The following ADGRG1 variants were observed in gnomAD, a reference collection of about 807,000 sequenced individuals.
ADGRG1 encodes 7-transmembrane protein with no EGF-like N-terminal domains-1.
In ADGRG1, 53 loss-of-function variants were observed where a neutral mutation model predicts 73.5. The ratio of observed to expected loss-of-function variants is 0.72; its 90% CI spans 0.58 to 0.91. The LOEUF is 0.91. Ranked by LOEUF, ADGRG1 falls within the 40% of genes least tolerant of loss-of-function variation. The probability of loss-of-function intolerance (pLI) is 0.00; values close to 1 mark genes in which losing one functional copy is unlikely to be tolerated. For missense variants in ADGRG1, 795 were observed against 871.8 expected, an observed-to-expected ratio of 0.91 and a Z score of 1.11; for synonymous variants, 394 against 374.4, an observed-to-expected ratio of 1.05 and a Z score of -0.60.
chr16:57,625,935 C>T (rs1357675820), upstream of ADGRG1, among the ~76,000 whole-genome samples: 1 of 152,176 alleles, frequency 6.6e-6, no homozygotes, highest in Non-Finnish European at 1.5e-5. Flanking sequence ...TATCGAAGCC[C>T]CCTTCTTCTC....
At chr16:57,650,736 T>C (rs1323985510) in intron 2 of ADGRG1, among the ~76,000 whole-genome samples, 5 of 129,040 alleles carry the variant, frequency 3.9e-5, no homozygotes, top group Non-Finnish European at 7.8e-5. Context: ...TGAGACGGAG[T>C]CTTGCTCTGT....
At chr16:57,644,160 C>A in intron 1 of ADGRG1, 1 of 985,316 alleles carries the variant, frequency 1.0e-6, no homozygotes, top group Non-Finnish European at 1.2e-6. Context: ...TGAGGAGCTC[C>A]CCGCCTTCTC....
At chr16:57,641,718 A>G in intron 1 of ADGRG1, 1 of 202,252 alleles carries the variant, frequency 4.9e-6, no homozygotes, top group Non-Finnish European at 8.8e-6. Context: ...GGTGTGTGCC[A>G]CTATGCCCAG....
chr16:57,647,736 C>T (rs143415606), intron 1 of ADGRG1: 27 of 960,042 alleles, frequency 2.8e-5, no homozygotes, highest in Non-Finnish European at 3.3e-5. Flanking sequence ...CAGGGCTGTC[C>T]ACCTTGGAGT....
chr16:57,640,859 C>T (rs1376182711), intron 1 of ADGRG1: 4 of 984,838 alleles, frequency 4.1e-6, no homozygotes, highest in Admixed American at 1.2e-4. Flanking sequence ...GTTTGCCAGA[C>T]CTGGGGTAGT....
At chr16:57,659,825 GGCTGA>G in intron 11 of ADGRG1, 144 bp downstream of exon 11, 1 of 857,514 alleles carries the variant, frequency 1.2e-6, no homozygotes, top group Non-Finnish European at 1.8e-6. Flanking sequence ...CCTTCACCTT[GGCTGA>G]ATCAAGGTCC....
chr16:57,658,199 A>T (rs1188534101), intron 10 of ADGRG1, among the ~76,000 whole-genome samples: 1 of 152,236 alleles, frequency 6.6e-6, no homozygotes, highest in Non-Finnish European at 1.5e-5. Flanking sequence ...ACACAATAAT[A>T]TCACAGCGGT....
chr16:57,642,772 G>A, intron 1 of ADGRG1: 1 of 352,206 alleles, frequency 2.8e-6, no homozygotes, highest in Non-Finnish European at 4.0e-6. Context: ...GGGCTTGGAG[G>A]TTAGGCGGAC....
At chr16:57,639,995 C>T (rs753543620) in intron 1 of ADGRG1, 46 of 290,722 alleles carry the variant, frequency 1.6e-4, no homozygotes, top group Admixed American at 8.4e-4. Context: ...CACACCCGTC[C>T]CTGCAGCCCA....
At chr16:57,633,241 G>A (rs2038471509) in intron 1 of ADGRG1, 1 of 839,132 alleles carries the variant, frequency 1.2e-6, no homozygotes, top group South Asian at 5.5e-5. Context: ...CACAGTGCAT[G>A]ACTTCAAGAG....
chr16:57,628,904 G>A lies in ADGRG1; in HGVS notation c.-36+102G>A, dbSNP rs796335861. On this transcript the variant is annotated intron_variant, in intron 1 of 13. Transcript: ENST00000562631. ...TGTGTGAGAGTGTGAGTGTGTGAGT[G>A]TGAGTGTGTGAGAGTGAGTGTGAGT... is the stretch of plus-strand genomic sequence containing the variant. 15,998 of 845,394 alleles carry A rather than the reference G, an allele frequency of 0.019. 950 individuals are homozygous for A. The highest frequency in any genetic ancestry group is 0.17 in the East Asian group (1,158 of 7,008). 52.4% of individuals were successfully genotyped at this position (845,394 alleles called of 1,614,324 possible).
At chr16:57,653,009 A>G in intron 3 of ADGRG1, 194 bp from the exon 4 acceptor site, 2 of 1,448,596 alleles carry the variant, frequency 1.4e-6, no homozygotes, top group Non-Finnish European at 1.8e-6. Context: ...GTTCTGTAAG[A>G]CACAACCCCC....
intron 12 of ADGRG1, chr16:57,661,378 A>C: frequency 1.0e-6 from 1 of 985,212 alleles, no homozygotes; most frequent in African/African-American, 1.7e-5. Context: ...ACCGGAAGCC[A>C]GGGTTCCTGA....
In ADGRG1 at chr16:57,654,098, G is replaced by A. The variant is rs564786398; in HGVS notation, c.733G>A (p.Gly245Ser). The change falls in exon 5 of 14, where the codon GGC becomes AGC. Residue 245 changes from glycine to serine, a missense_variant. By Grantham distance (56) the Gly-to-Ser change is moderately conservative. Coordinates refer to ENST00000562631, the MANE Select transcript of ADGRG1 (RefSeq NM_201525.4). ...GGTGTGGAAGCTCCAGCCCACAGCC[G>A]GCCTCCAGGACCTGCACATCCACTC... ...ATVWKLQPTA[G>S]LQDLHIHSRQ... 2.2e-5 allele frequency: 36 copies of A among 1,613,636 alleles called. No individual in the cohort carries two copies. Among genetic ancestry groups the A allele is most frequent in the Non-Finnish European group, 2.9e-5 (34 of 1,180,022 alleles).
intron 1 of ADGRG1, chr16:57,646,387 G>C (rs1320981087): frequency 4.1e-6 from 4 of 985,554 alleles, no homozygotes; most frequent in Non-Finnish European, 4.8e-6. Context: ...TCTCAGCTCA[G>C]ACAAACCCTG....
chr16:57,621,817 G>T, intron 2 of ADGRG1: 1 of 978,286 alleles, frequency 1.0e-6, no homozygotes, highest in Non-Finnish European at 1.2e-6. Flanking sequence ...AATTTTAGGG[G>T]CAAGAGCAGC....
At chr16:57,630,603 C>T (rs958203725) in intron 1 of ADGRG1, 2 of 866,364 alleles carry the variant, frequency 2.3e-6, no homozygotes, top group Non-Finnish European at 1.4e-6. Context: ...CCGGCCTGGG[C>T]CACTGGGCAA....
intron 1 of ADGRG1, chr16:57,633,152 TA>T: frequency 2.9e-6 from 1 of 349,056 alleles, no homozygotes; most frequent in South Asian, 1.2e-4. Context: ...TCCCTGCCTG[TA>T]AATGGAGATA....
chr16:57,628,883 TG>T lies in ADGRG1; in HGVS notation c.-36+82del, dbSNP rs2036530818. 4 of 896,804 alleles carry T rather than the reference TG, an allele frequency of 4.5e-6. No individual in the cohort carries two copies. In the African/African-American group the frequency reaches 8.1e-5, roughly 18 times the overall value. The allele number at this position is 896,804 out of a possible 1,614,324, so 55.6% of individuals were successfully genotyped here. On this transcript the variant is annotated intron_variant, in intron 1 of 13. Transcript: ENST00000562631. ...GTGTGAGTGTGTGAGCGTGAGTGTG[TG>T]AGAGTGTGAGTGTGTGAGTGTGAGT...
Sources: allele counts gnomAD v4.1 joint callset (sites outside exome capture counted in the v4.1 genomes callset), GRCh38; gene constraint gnomAD v4.1.1; transcripts MANE v1.5; gene names NCBI Gene and HGNC (gene_info 2026-07-23, HGNC 2026-07-21).